Variants in ANKRD6 observed in about 807,000 individuals in gnomAD.
The protein encoded by ANKRD6 is ankyrin repeat domain 6.
Under a neutral mutation model 82.3 loss-of-function variants are expected in ANKRD6, and 56 were observed. That is an observed-to-expected ratio of 0.68 (90% CI 0.55 to 0.85). The LOEUF is 0.85. Among genes scored for constraint, ANKRD6 ranks in the 40% least tolerant of loss-of-function variants. ANKRD6 has a pLI of 0.00. For synonymous variants in ANKRD6, 347 were observed against 352.1 expected, an observed-to-expected ratio of 0.99 and a Z score of 0.16; for missense variants, 852 against 907.6, an observed-to-expected ratio of 0.94 and a Z score of 0.79.
intron 10 of ANKRD6, among the ~76,000 whole-genome samples, chr6:89,622,737 C>T (rs939229027): frequency 2.0e-5 from 3 of 152,168 alleles, no homozygotes; most frequent in African/African-American, 4.8e-5. Flanking sequence ...CTGGAATAAA[C>T]CATGCCTTTG....
At chr6:89,463,946 C>T (rs1774520744) in intron 1 of ANKRD6, among the ~76,000 whole-genome samples, 1 of 152,208 alleles carries the variant, frequency 6.6e-6, no homozygotes, top group South Asian at 2.1e-4. Flanking sequence ...TCACTAGTCT[C>T]CTTCCTTGTT....
In ANKRD6 at chr6:89,630,699, G is replaced by T. The variant is rs773644098; in HGVS notation, c.1879G>T (p.Gly627Trp). ...TCAAACTAAGAAGTCTGGGAAGAGT[G>T]GGCCAACAAGGCATCGTGCCCAGCA... ...GTQTKKSGKS[G>W]PTRHRAQQPA... is the part of the protein sequence containing the mutation. The change falls in exon 16 of 16, where the codon GGG (glycine) becomes TGG (tryptophan). Residue 627 changes from glycine (G) to tryptophan (W), a missense_variant. Physicochemically the swap from Gly to Trp is radical, Grantham distance 184. Transcript: ENST00000339746. 2 of 1,613,804 alleles carry T rather than the reference G, an allele frequency of 1.2e-6. No homozygotes were observed. Among genetic ancestry groups the T allele is most frequent in the Non-Finnish European group, 8.5e-7 (1 of 1,179,870 alleles).
intron 1 of ANKRD6, among the ~76,000 whole-genome samples, chr6:89,482,618 A>G (rs1776940579): frequency 1.3e-5 from 2 of 152,146 alleles, no homozygotes; most frequent in African/African-American, 2.4e-5. Flanking sequence ...CCTTGCCCAC[A>G]AATGCACAGG....
At chr6:89,583,102 T>C (rs1792940047) in intron 2 of ANKRD6, among the ~76,000 whole-genome samples, 1 of 152,164 alleles carries the variant, frequency 6.6e-6, no homozygotes. Context: ...TGGCCTGGGC[T>C]TGGGGATTTT....
At chr6:89,607,288 C>G (rs1411984917) in intron 5 of ANKRD6, among the ~76,000 whole-genome samples, 4 of 151,646 alleles carry the variant, frequency 2.6e-5, no homozygotes, top group Non-Finnish European at 4.4e-5. Flanking sequence ...AGCAATAAAA[C>G]CAGTAAAATT....
intron 1 of ANKRD6, among the ~76,000 whole-genome samples, chr6:89,552,064 G>A (rs550387161): frequency 6.6e-6 from 1 of 152,324 alleles, no homozygotes; most frequent in South Asian, 2.1e-4. Context: ...GGAATGTAGT[G>A]GACCAAACTT....
Position 89,623,874 on chromosome 6 carries a change from G to A in ANKRD6, c.1035G>A (p.Val345=), listed in dbSNP as rs2128259285. 1 of 1,611,972 alleles carries A rather than the reference G, an allele frequency of 6.2e-7. No individual in the cohort carries two copies. Among genetic ancestry groups the A allele is most frequent in the Non-Finnish European group, 8.5e-7 (1 of 1,178,980 alleles). Reference sequence around the variant, plus strand: ...TGTTGTCTCTTCCTCTCTTACAGGTGTCAGCATTTTCTGACCCCACCCCAC... The same window carrying A: ...TGTTGTCTCTTCCTCTCTTACAGGTATCAGCATTTTCTGACCCCACCCCAC... ...DDRRRKSRPK[V]SAFSDPTPPA... Residue 345 remains valine, a splice_region_variant and synonymous_variant, in exon 12 of 16, where the codon GTG becomes GTA. Transcript: ENST00000339746.
At chr6:89,576,024 G>A (rs1202195372) in intron 2 of ANKRD6, among the ~76,000 whole-genome samples, 3 of 152,062 alleles carry the variant, frequency 2.0e-5, no homozygotes, top group Non-Finnish European at 4.4e-5. Context: ...GGCTCACTAA[G>A]AACTATGATT....
chr6:89,542,841 T>C (rs938016888), intron 1 of ANKRD6, among the ~76,000 whole-genome samples: 1 of 152,238 alleles, frequency 6.6e-6, no homozygotes, highest in African/African-American at 2.4e-5. Flanking sequence ...GGCAAAAATT[T>C]ACTGAAAGGT....
rs1405030768 is a variant in ANKRD6, at chr6:89,502,371, C to T, written c.-143-64463C>T. 2.6e-5 allele frequency among the ~76,000 whole-genome samples: 4 copies of T among 152,082 alleles called. No homozygotes were observed. The East Asian group carries it at 7.7e-4, about 29-fold the overall frequency. Reference sequence around the variant, plus strand: ...GTGATATAAAGAGAAATAGACTGGGCATGGTGTCTCATGCTTGTAATCCTA... The same window carrying T: ...GTGATATAAAGAGAAATAGACTGGGTATGGTGTCTCATGCTTGTAATCCTA... On this transcript the variant is annotated intron_variant, in intron 1 of 15. Transcript: ENST00000339746.
intron 1 of ANKRD6, among the ~76,000 whole-genome samples, chr6:89,513,654 A>T (rs1363426378): frequency 6.6e-6 from 1 of 152,148 alleles, no homozygotes; most frequent in African/African-American, 2.4e-5. Context: ...AATTATCTGT[A>T]TTTTAAATTT....
intron 8 of ANKRD6, 31 bp downstream of exon 8, chr6:89,616,688 G>A: frequency 6.2e-7 from 1 of 1,607,456 alleles, no homozygotes; most frequent in Non-Finnish European, 8.5e-7. Flanking sequence ...GCTTTCTAAA[G>A]TGGTTCCCAC....
intron 3 of ANKRD6, among the ~76,000 whole-genome samples, chr6:89,598,603 G>A (rs1796399761): frequency 6.6e-6 from 1 of 152,102 alleles, no homozygotes; most frequent in Non-Finnish European, 1.5e-5. Flanking sequence ...AAAAATAACA[G>A]TATTTCAAAA....
intron 1 of ANKRD6, among the ~76,000 whole-genome samples, chr6:89,499,041 G>C (rs545051406): frequency 6.6e-6 from 1 of 152,208 alleles, no homozygotes; most frequent in South Asian, 2.1e-4. Flanking sequence ...GTGGTTATGT[G>C]ATATAGTTTG....
intron 1 of ANKRD6, among the ~76,000 whole-genome samples, chr6:89,527,528 A>G (rs1333290721): frequency 2.3e-5 from 3 of 130,890 alleles, no homozygotes; most frequent in African/African-American, 8.4e-5. Flanking sequence ...CGGGAGGCAT[A>G]GGTTGCAATA....
At chr6:89,610,879 G>A (rs529553480) in intron 5 of ANKRD6, among the ~76,000 whole-genome samples, 8 of 151,658 alleles carry the variant, frequency 5.3e-5, no homozygotes, top group South Asian at 2.1e-4. Flanking sequence ...AGGGTTTCCC[G>A]GAATGTGGGA....
Position 89,613,796 on chromosome 6 carries a change from G to T in ANKRD6, c.521G>T (p.Gly174Val), listed in dbSNP as rs1245971984. 1.2e-6 allele frequency: 2 copies of T among 1,613,954 alleles called. No homozygotes were observed. Residue 174 changes from glycine (G) to valine (V), a missense_variant, in exon 7 of 16, where the codon GGA becomes GTA. Transcript: ENST00000339746. ...GAGTTTGATTTTTGTCCGCAGGCAGGAGACACCTGTTTGCACGTTGCTGCG... is the reference window on the plus strand; with the variant it reads ...GAGTTTGATTTTTGTCCGCAGGCAGTAGACACCTGTTTGCACGTTGCTGCG... Reference protein sequence around the residue: ...GSRADLKNNAGDTCLHVAARY... With the variant: ...GSRADLKNNAVDTCLHVAARY...
intron 9 of ANKRD6, 98 bp downstream of exon 9, chr6:89,618,129 T>A (rs1802073431): frequency 7.6e-7 from 1 of 1,320,774 alleles, no homozygotes; most frequent in Non-Finnish European, 1.1e-6. Context: ...CAAACTAACT[T>A]AAATATGGAA....
chr6:89,465,111 A>G (rs1308171508), intron 1 of ANKRD6, among the ~76,000 whole-genome samples: 1 of 149,188 alleles, frequency 6.7e-6, no homozygotes, highest in Non-Finnish European at 1.5e-5. Flanking sequence ...TTTCTGACAC[A>G]TTGCTTTAAT....
Sources: gnomAD v4.1 joint callset for allele counts (sites outside exome capture counted in the v4.1 genomes callset) on GRCh38, gnomAD v4.1.1 for gene constraint, MANE v1.5 for transcripts, NCBI Gene and HGNC (gene_info 2026-07-23, HGNC 2026-07-21) for gene names.